CABLES1: variants seen among roughly 807,000 people sequenced by gnomAD.
CABLES1 encodes Cdk5 and Abl enzyme substrate 1, also known as CDK5 and ABL1 enzyme substrate 1.
In CABLES1, 36 loss-of-function variants were observed where a neutral mutation model predicts 57.8. The observed-to-expected ratio is 0.62, with a 90% CI of 0.48 to 0.82. The LOEUF (loss-of-function observed/expected upper bound fraction) is 0.82, where lower values mean the gene tolerates loss of function less well. Ranked by LOEUF, CABLES1 falls within the 40% of genes least tolerant of loss-of-function variation. CABLES1 has a pLI of 0.00. For synonymous variants in CABLES1, 374 were observed against 363.0 expected (o/e 1.03, Z -0.35); for missense variants, 767 against 836.6 (o/e 0.92, Z 1.03).
chr18:23,253,969 C>T, intron 9 of CABLES1, 33 bp downstream of exon 9: 1 of 1,580,904 alleles, frequency 6.3e-7, no homozygotes, highest in South Asian at 1.1e-5. Flanking sequence ...GCTGGAGGAG[C>T]ACATGCTCCG....
Position 23,253,125 on chromosome 18 carries a change from G to A in CABLES1, c.1553+59G>A, listed in dbSNP as rs111634433. 8.4e-3 allele frequency: 7,869 copies of A among 941,764 alleles called. 181 individuals are homozygous for A. The highest frequency in any genetic ancestry group is 0.057 in the African/African-American group (3,518 of 61,998). 58.3% of individuals were successfully genotyped at this position (941,764 alleles called of 1,614,324 possible). A position where few individuals can be genotyped will look rare whatever the true frequency, so the allele number is the denominator to read the frequency against. On this transcript the variant is annotated intron_variant, in intron 8 of 9. Coordinates refer to ENST00000256925, the MANE Select transcript of CABLES1 (RefSeq NM_001100619.3). ...CTGCAAACCCCTCTTTCCACACACC[G>A]TAAGCTTGTCATCTGTCCAGTGGTC...
chr18:23,136,995 G>A (rs1326292767), intron 1 of CABLES1, among the ~76,000 whole-genome samples: 1 of 152,240 alleles, frequency 6.6e-6, no homozygotes, highest in African/African-American at 2.4e-5. Context: ...CGGGCGCAGA[G>A]TGGAGCAGTG....
At chr18:23,233,633 C>T (rs928514089) in intron 4 of CABLES1, among the ~76,000 whole-genome samples, 9 of 152,118 alleles carry the variant, frequency 5.9e-5, no homozygotes, top group East Asian at 3.9e-4. Context: ...GGATGGCTTG[C>T]GCCCAAGAGT....
At chr18:23,216,000 C>T (rs180903946) in intron 4 of CABLES1, among the ~76,000 whole-genome samples, 9 of 152,202 alleles carry the variant, frequency 5.9e-5, no homozygotes, top group Non-Finnish European at 8.8e-5. Flanking sequence ...GTGATCTGCC[C>T]GCCTCGGCCT....
At chr18:23,194,562 G>C in intron 3 of CABLES1, 22 bp downstream of exon 3, 1 of 1,526,140 alleles carries the variant, frequency 6.6e-7, no homozygotes, top group South Asian at 1.1e-5. Context: ...ACACAGAAGC[G>C]GCTGCCAGCA....
rs1335615240 is a variant in CABLES1 at position 23,136,477 on chromosome 18, C to T, written c.715C>T (p.Arg239Cys). 1.9e-6 allele frequency: 3 copies of T among 1,603,178 alleles called. No individual in the cohort carries two copies. The highest frequency in any genetic ancestry group is 2.5e-6 in the Non-Finnish European group (3 of 1,177,618). Residue 239 changes from arginine (R) to cysteine (C), a missense_variant, in exon 1 of 10, where the codon CGC becomes TGC. Physicochemically the swap from Arg to Cys is radical, Grantham distance 180. This residue lies in a region of CABLES1 where 529 missense variants were observed against 622.8 expected (regional missense o/e 0.85). Coordinates refer to ENST00000256925, the MANE Select transcript of CABLES1 (RefSeq NM_001100619.3). ...CGGGAGTGGGAGCGGCAGTCGGGGA[C>T]GCCTCAACTCGTTCACTCAGGGAAT... ...TPGSGSGSRG[R>C]LNSFTQGILP...
intron 1 of CABLES1, among the ~76,000 whole-genome samples, chr18:23,150,356 C>A (rs1050479756): frequency 6.6e-6 from 1 of 151,812 alleles, no homozygotes; most frequent in Non-Finnish European, 1.5e-5. Flanking sequence ...CTACAGGTGC[C>A]CGCCACCACG....
At chr18:23,206,396 G>A (rs1203929142) in intron 3 of CABLES1, among the ~76,000 whole-genome samples, 1 of 152,244 alleles carries the variant, frequency 6.6e-6, no homozygotes, top group African/African-American at 2.4e-5. Flanking sequence ...TGGGGAAAAG[G>A]TTAGTAAATG....
chr18:23,151,231 G>T (rs926314148), intron 1 of CABLES1, among the ~76,000 whole-genome samples: 4 of 152,042 alleles, frequency 2.6e-5, no homozygotes, highest in African/African-American at 9.7e-5. Context: ...TGTTAGGCAG[G>T]ATGGTCTCGA....
At chr18:23,153,490 T>C (rs2046946081) in intron 1 of CABLES1, among the ~76,000 whole-genome samples, 1 of 151,986 alleles carries the variant, frequency 6.6e-6, no homozygotes. Context: ...TCCCGGCACT[T>C]TGGGAGGCTG....
chr18:23,236,093 G>A (rs368788181), intron 6 of CABLES1, 42 bp downstream of exon 6: 17 of 1,600,988 alleles, frequency 1.1e-5, no homozygotes, highest in Non-Finnish European at 1.4e-5. Flanking sequence ...GTGGTGGGAG[G>A]GAGGTGCCTC....
At chr18:23,200,079 T>G (rs568469668) in intron 3 of CABLES1, among the ~76,000 whole-genome samples, 111 of 152,306 alleles carry the variant, frequency 7.3e-4, no homozygotes, top group African/African-American at 2.5e-3. Context: ...AGCAAGTGTT[T>G]GTTGAATAAA....
intron 7 of CABLES1, among the ~76,000 whole-genome samples, chr18:23,237,864 C>T (rs1164376238): frequency 6.6e-6 from 1 of 152,258 alleles, no homozygotes; most frequent in African/African-American, 2.4e-5. Flanking sequence ...CCTGGCGGGG[C>T]CCTGGGCGCT....
intron 3 of CABLES1, among the ~76,000 whole-genome samples, chr18:23,210,842 C>A (rs1357479590): frequency 2.0e-5 from 3 of 152,038 alleles, no homozygotes; most frequent in African/African-American, 7.2e-5. Context: ...CTGGCCCCTG[C>A]AGAAACTGAG....
At chr18:23,161,452 A>G (rs1437317223) in intron 1 of CABLES1, among the ~76,000 whole-genome samples, 1 of 151,168 alleles carries the variant, frequency 6.6e-6, no homozygotes, top group Non-Finnish European at 1.5e-5. Flanking sequence ...ACTGACTCCC[A>G]GGGTGGGCTC....
chr18:23,212,933 T>C (rs1418860685), intron 3 of CABLES1, among the ~76,000 whole-genome samples: 2 of 152,122 alleles, frequency 1.3e-5, no homozygotes, highest in African/African-American at 4.8e-5. Context: ...AACAGCAGGA[T>C]AGGATTTTTT....
intron 7 of CABLES1, among the ~76,000 whole-genome samples, chr18:23,241,405 C>T (rs778005144): frequency 6.6e-6 from 1 of 152,214 alleles, no homozygotes; most frequent in East Asian, 1.9e-4. Context: ...GTGGCAGGCA[C>T]CTGTAATCCC....
chr18:23,250,849 G>A (rs1466392549), intron 7 of CABLES1, among the ~76,000 whole-genome samples: 1 of 152,228 alleles, frequency 6.6e-6, no homozygotes. Flanking sequence ...TGGTGGAATT[G>A]TTGGAGTTAA....
At chr18:23,252,066 A>G (rs1598883666) in intron 7 of CABLES1, among the ~76,000 whole-genome samples, 1 of 151,904 alleles carries the variant, frequency 6.6e-6, no homozygotes, top group Non-Finnish European at 1.5e-5. Flanking sequence ...AGCCTGGGCA[A>G]CAAAGTGAGA....
Sources: gnomAD v4.1 joint callset for allele counts (sites outside exome capture counted in the v4.1 genomes callset) on GRCh38, gnomAD v4.1.1 for gene constraint, gnomAD v4.1.1 regional missense constraint, MANE v1.5 for transcripts, NCBI Gene and HGNC (gene_info 2026-07-23, HGNC 2026-07-21) for gene names.